Variants in DOCK4 observed in about 807,000 individuals in gnomAD.
The protein encoded by DOCK4 is dedicator of cytokinesis 4, also known as dedicator of cytokinesis protein 4.
A neutral mutation model predicts 268.1 loss-of-function variants in DOCK4; 97 were observed. The ratio of observed to expected loss-of-function variants is 0.36; its 90% confidence interval spans 0.31 to 0.43. The LOEUF (loss-of-function observed/expected upper bound fraction) is 0.43, where lower values mean the gene tolerates loss of function less well. Ranked by LOEUF, DOCK4 falls within the 20% of genes least tolerant of loss-of-function variation. The pLI is 1.00. For missense variants in DOCK4, 2,145 were observed against 2,455.7 expected, an observed-to-expected ratio of 0.87 and a Z score of 2.67; for synonymous variants, 954 against 887.2, an observed-to-expected ratio of 1.08 and a Z score of -1.34.
Position 111,895,690 on chromosome 7 carries a change from A to C in DOCK4, c.1509T>G (p.Phe503Leu). ...GCATCAGAGGGACAAAAGAAAACCC[A>C]AACAACTTCTTCTCTCCTTTCTCCT... ...STKEKGEKKLFGFSFVPLMQE... is the reference protein window; with the variant it reads ...STKEKGEKKLLGFSFVPLMQE... The change falls in exon 16 of 53, where the codon TTT becomes TTG. Residue 503 changes from phenylalanine (F) to leucine (L), a missense_variant. By Grantham distance (22) the Phe-to-Leu change is conservative (BLOSUM62 0). Around this residue, in one of 2 missense-constraint regions of DOCK4, gnomAD observed 1,598 missense variants for 1,986.7 expected, o/e 0.80. Transcript: ENST00000428084. 6.2e-7 allele frequency: 1 copy of C among 1,613,958 alleles called. No individual in the cohort carries two copies. The highest frequency in any genetic ancestry group is 8.5e-7 in the Non-Finnish European group (1 of 1,179,844).
At chr7:111,940,832 T>G (rs1795145544) in intron 10 of DOCK4, among the ~76,000 whole-genome samples, 1 of 152,222 alleles carries the variant, frequency 6.6e-6, no homozygotes, top group Admixed American at 6.5e-5. Flanking sequence ...TACATTGTTT[T>G]AATGTATTGT....
intron 1 of DOCK4, among the ~76,000 whole-genome samples, chr7:112,134,381 G>A (rs112829710): frequency 3.3e-5 from 5 of 152,182 alleles, no homozygotes; most frequent in African/African-American, 1.2e-4. Context: ...AACTGTGGAA[G>A]GTATAAAAAG....
At chr7:112,059,867 T>C (rs1461752768) in intron 1 of DOCK4, among the ~76,000 whole-genome samples, 1 of 152,206 alleles carries the variant, frequency 6.6e-6, no homozygotes, top group Non-Finnish European at 1.5e-5. Context: ...TCAAAATTAC[T>C]GCTCTCAAAG....
intron 3 of DOCK4, 125 bp downstream of exon 3, chr7:112,000,369 A>C (rs1358082628): frequency 1.7e-6 from 1 of 589,126 alleles, no homozygotes; most frequent in Non-Finnish European, 2.9e-6. Flanking sequence ...AATTATAAAA[A>C]TTTGCAATAT....
chr7:112,193,682 A>C (rs1368155920), intron 1 of DOCK4, among the ~76,000 whole-genome samples: 2 of 151,906 alleles, frequency 1.3e-5, no homozygotes, highest in African/African-American at 2.4e-5. Context: ...AATCACAGAG[A>C]GAGCCAACAC....
chr7:111,804,153 G>C (rs571097762), intron 30 of DOCK4, among the ~76,000 whole-genome samples: 1 of 152,272 alleles, frequency 6.6e-6, no homozygotes, highest in South Asian at 2.1e-4. Context: ...GTTCAGAGCA[G>C]CACTATTCAC....
intron 25 of DOCK4, among the ~76,000 whole-genome samples, chr7:111,838,005 G>A (rs935340703): frequency 7.6e-5 from 11 of 143,948 alleles, no homozygotes; most frequent in African/African-American, 2.9e-4. Flanking sequence ...AGAATTGCTT[G>A]AACCCAGGAG....
intron 13 of DOCK4, among the ~76,000 whole-genome samples, chr7:111,908,130 A>G (rs186079563): frequency 7.9e-5 from 12 of 152,158 alleles, no homozygotes; most frequent in African/African-American, 2.9e-4. Context: ...GTTGATGTGT[A>G]TTTCTCTATC....
intron 1 of DOCK4, among the ~76,000 whole-genome samples, chr7:112,099,181 A>G (rs1184769586): frequency 6.6e-6 from 1 of 151,838 alleles, no homozygotes; most frequent in East Asian, 1.9e-4. Flanking sequence ...AGTCCCAACT[A>G]CTTGGGAGGC....
At chr7:111,975,776 C>G (rs1415032951) in intron 8 of DOCK4, among the ~76,000 whole-genome samples, 1 of 151,992 alleles carries the variant, frequency 6.6e-6, no homozygotes, top group Non-Finnish European at 1.5e-5. Context: ...AGATTTTATG[C>G]CTGTAACTGC....
At chr7:112,092,010 G>A (rs1354077575) in intron 1 of DOCK4, among the ~76,000 whole-genome samples, 1 of 152,156 alleles carries the variant, frequency 6.6e-6, no homozygotes, top group African/African-American at 2.4e-5. Flanking sequence ...AACCACACAT[G>A]TGCAGGTGAG....
At chr7:111,763,359 G>A (rs974593593) in intron 39 of DOCK4, among the ~76,000 whole-genome samples, 1 of 152,138 alleles carries the variant, frequency 6.6e-6, no homozygotes, top group Admixed American at 6.5e-5. Context: ...GAAGAGTGTA[G>A]TGCCCTTTAG....
Position 111,822,432 on chromosome 7 carries a change from C to T in DOCK4, c.2860G>A (p.Val954Met). ...TCCGGGCGTATCAATATTCGGAACA[C>T]AGTAAATATCTGCAGCAGGAAATCC... ...LRDFLLQIFT[V>M]FRILIRPEMF... The change falls in exon 27 of 53, where the codon GTG (valine) becomes ATG (methionine). Residue 954 changes from valine to methionine, a missense_variant. Physicochemically the swap from Val to Met is conservative, Grantham distance 21. Coordinates refer to ENST00000428084, the MANE Select transcript of DOCK4 (RefSeq NM_001363540.2). 1 of 1,613,266 alleles carries T rather than the reference C, an allele frequency of 6.2e-7. No homozygotes were observed. The highest frequency in any genetic ancestry group is 8.5e-7 in the Non-Finnish European group (1 of 1,179,618).
chr7:112,081,234 G>A (rs1808554963), intron 1 of DOCK4, among the ~76,000 whole-genome samples: 1 of 152,122 alleles, frequency 6.6e-6, no homozygotes, highest in South Asian at 2.1e-4. Flanking sequence ...GTGAGGTTTG[G>A]AGGAGACACA....
At chr7:111,761,243 A>G (rs1770266966) in intron 39 of DOCK4, among the ~76,000 whole-genome samples, 1 of 152,042 alleles carries the variant, frequency 6.6e-6, no homozygotes, top group South Asian at 2.1e-4. Flanking sequence ...TATTTTTAGT[A>G]GAGATGGGGT....
intron 30 of DOCK4, among the ~76,000 whole-genome samples, chr7:111,798,398 C>G (rs1800047606): frequency 6.6e-6 from 1 of 152,236 alleles, no homozygotes; most frequent in Non-Finnish European, 1.5e-5. Context: ...AAGCCAGTCT[C>G]TCTCTTTTCT....
intron 12 of DOCK4, among the ~76,000 whole-genome samples, chr7:111,920,363 C>T (rs1016008645): frequency 1.3e-5 from 2 of 152,102 alleles, no homozygotes; most frequent in African/African-American, 4.8e-5. Context: ...GCAGTGTATG[C>T]ATATATCAAA....
intron 43 of DOCK4, among the ~76,000 whole-genome samples, chr7:111,746,811 TATC>T (rs1286224492): frequency 3.1e-5 from 3 of 97,726 alleles, no homozygotes; most frequent in African/African-American, 8.1e-5. Flanking sequence ...AGATCGGTCT[TATC>T]TTTTTTTTTT....
Position 111,760,342 on chromosome 7 carries a change from A to G in DOCK4, c.4021-20T>C, listed in dbSNP as rs762281641. 6.2e-7 allele frequency: 1 copy of G among 1,609,358 alleles called. No homozygotes were observed. Among genetic ancestry groups the G allele is most frequent in the East Asian group, 2.2e-5 (1 of 44,832 alleles). On this transcript the variant is annotated intron_variant, in intron 39 of 52. Transcript: ENST00000428084. ...CTTATTCTGGAGATGAAAGCAAAAA[A>G]GAAATTAGGGCTATATAACTGAGTG...
Sources: allele counts gnomAD v4.1 joint callset (sites outside exome capture counted in the v4.1 genomes callset), GRCh38; gene constraint gnomAD v4.1.1; regional missense constraint gnomAD v4.1.1; transcripts MANE v1.5; gene names NCBI Gene and HGNC (gene_info 2026-07-23, HGNC 2026-07-21).